TRMT11: variants seen among roughly 807,000 people sequenced by gnomAD.
The protein encoded by TRMT11 is tRNA methyltransferase 11, also known as tRNA (guanine(10)-N(2))-methyltransferase TRMT11.
TRMT11 carries 53 observed loss-of-function variants against 62.8 expected under a neutral mutation model. The ratio of observed to expected loss-of-function variants is 0.84; its 90% CI spans 0.68 to 1.06. The LOEUF is 1.06. TRMT11 is among the 50% of genes least tolerant of loss of function. The pLI is 0.00. For missense variants in TRMT11, 556 were observed against 553.4 expected, an observed-to-expected ratio of 1.00 and a Z score of -0.05; for synonymous variants, 188 against 190.3, an observed-to-expected ratio of 0.99 and a Z score of 0.10.
chr6:126,042,779 G>A (rs1024243328), downstream of TRMT11, among the ~76,000 whole-genome samples: 3 of 152,140 alleles, frequency 2.0e-5, no homozygotes, highest in Non-Finnish European at 4.4e-5. Context: ...TAAAAGAAAA[G>A]GAAAAAGGCT....
At chr6:126,164,800 C>A (rs1778238441) in intron 21 of TRMT11, among the ~76,000 whole-genome samples, 2 of 152,098 alleles carry the variant, frequency 1.3e-5, no homozygotes, top group African/African-American at 2.4e-5. Context: ...AGGATTGCAA[C>A]CCCTGCTTTT....
the TRMT11 span, among the ~76,000 whole-genome samples, chr6:126,258,682 T>A: frequency 6.6e-6 from 1 of 152,262 alleles, no homozygotes; most frequent in Non-Finnish European, 1.5e-5. Context: ...TCACAATAAT[T>A]CCTTATGTGT....
At chr6:125,998,981 T>A (rs1482853564) in intron 6 of TRMT11, among the ~76,000 whole-genome samples, 1 of 152,036 alleles carries the variant, frequency 6.6e-6, no homozygotes, top group Non-Finnish European at 1.5e-5. Context: ...TCTTTTTTTT[T>A]ATAAAGCAGA....
chr6:126,162,303 A>G (rs1318487035), intron 21 of TRMT11, among the ~76,000 whole-genome samples: 1 of 152,178 alleles, frequency 6.6e-6, no homozygotes, highest in Non-Finnish European at 1.5e-5. Flanking sequence ...TCCCAACACC[A>G]TTTATTAAAC....
the TRMT11 span, among the ~76,000 whole-genome samples, chr6:126,266,201 G>A: frequency 1.8e-4 from 27 of 152,266 alleles, no homozygotes; most frequent in Non-Finnish European, 2.8e-4. Context: ...TGTCTAGTGC[G>A]TGTTATATCT....
the TRMT11 span, among the ~76,000 whole-genome samples, chr6:126,214,175 T>C: frequency 0.029 from 4,308 of 149,662 alleles, 187 homozygotes; most frequent in African/African-American, 0.1. Context: ...TTAACATTCA[T>C]CAGTGATATT....
upstream of TRMT11, among the ~76,000 whole-genome samples, chr6:126,174,023 G>C (rs982875968): frequency 6.6e-6 from 1 of 152,170 alleles, no homozygotes; most frequent in African/African-American, 2.4e-5. Context: ...GTTCCTAGGA[G>C]CTTGCTGGAC....
chr6:126,015,254 C>T (rs1411984548), intron 11 of TRMT11, among the ~76,000 whole-genome samples: 2 of 152,026 alleles, frequency 1.3e-5, no homozygotes, highest in African/African-American at 4.8e-5. Context: ...GAGATGGAGT[C>T]TCACTCTGTC....
At chr6:126,260,396 G>T in the TRMT11 span, among the ~76,000 whole-genome samples, 1 of 152,086 alleles carries the variant, frequency 6.6e-6, no homozygotes, top group Admixed American at 6.5e-5. Context: ...GCCACTAATT[G>T]TAACTGTTGT....
In TRMT11 at chr6:125,987,622, A is replaced by G. The variant is rs370864370; in HGVS notation, c.72+1000A>G. Among the ~76,000 whole-genome samples the G allele has an allele frequency of 3.9e-5, 6 of 152,220 alleles. No homozygotes were observed. In the East Asian group the frequency reaches 5.8e-4, roughly 15 times the overall value. ...GGAGTCTGTGGGAATAGTCTTGTTA[A>G]TAGATTAAGAAGGTCTGACCTAGGG... is the stretch of plus-strand genomic sequence containing the variant. On this transcript the variant is annotated intron_variant, in intron 1 of 12. Coordinates refer to ENST00000334379, the MANE Select transcript of TRMT11 (RefSeq NM_001031712.3).
At chr6:126,227,908 C>T in the TRMT11 span, among the ~76,000 whole-genome samples, 3 of 152,246 alleles carry the variant, frequency 2.0e-5, no homozygotes, top group Admixed American at 6.5e-5. Context: ...GGTAGTGTGT[C>T]CTGTTGTAAA....
the TRMT11 span, among the ~76,000 whole-genome samples, chr6:126,240,910 G>A: frequency 1.3e-5 from 2 of 152,200 alleles, no homozygotes; most frequent in South Asian, 2.1e-4. Flanking sequence ...CGGCAATGGT[G>A]GGCACCCCTC....
intron 21 of TRMT11, among the ~76,000 whole-genome samples, chr6:126,153,363 A>G (rs374278428): frequency 1.3e-5 from 2 of 152,268 alleles, no homozygotes; most frequent in Admixed American, 1.3e-4. Context: ...GGTGAAAACC[A>G]TTAGGCAAAA....
At position 126,011,308 on chromosome 6, in the gene TRMT11, C is replaced by T. The variant is rs762980239; in HGVS notation, c.816C>T (p.Ala272=). ...KWRGPDENIR[A]NLRQYGLEKY... ...GAGGACCAGATGAAAACATTAGGGC[C>T]AATCTTCGTCAATATGGTTTAGAGA... The change falls in exon 9 of 13, where the codon GCC becomes GCT. Residue 272 remains alanine, a synonymous_variant. Transcript: ENST00000334379. 1.2e-5 allele frequency: 19 copies of T among 1,613,176 alleles called. No individual in the cohort carries two copies. Among genetic ancestry groups the T allele is most frequent in the Non-Finnish European group, 1.5e-5 (18 of 1,179,530 alleles).
At chr6:126,213,867 G>A in the TRMT11 span, among the ~76,000 whole-genome samples, 4 of 152,008 alleles carry the variant, frequency 2.6e-5, no homozygotes, top group Non-Finnish European at 5.9e-5. Context: ...CATTTGGGAT[G>A]ATACCAGTTT....
chr6:126,220,481 C>A, the TRMT11 span, among the ~76,000 whole-genome samples: 1 of 152,178 alleles, frequency 6.6e-6, no homozygotes, highest in Non-Finnish European at 1.5e-5. Flanking sequence ...AACCATGTCT[C>A]TGTTATTGCT....
chr6:126,035,634 A>C (rs1775046895), intron 12 of TRMT11, among the ~76,000 whole-genome samples: 2 of 152,100 alleles, frequency 1.3e-5, no homozygotes, highest in Admixed American at 1.3e-4. Flanking sequence ...ATAGCACTGA[A>C]TAGAACACAT....
the TRMT11 span, among the ~76,000 whole-genome samples, chr6:126,259,986 A>G: frequency 6.6e-3 from 1,003 of 152,240 alleles, 13 homozygotes; most frequent in African/African-American, 0.023. Flanking sequence ...TGCAGGCAGA[A>G]TATAGTTGGG....
chr6:126,087,396 G>A (rs557971347), intron 17 of TRMT11, among the ~76,000 whole-genome samples: 1 of 152,246 alleles, frequency 6.6e-6, no homozygotes, highest in Admixed American at 6.5e-5. Context: ...TTTAAAGGGA[G>A]GGCACAGTCA....
Sources: allele counts gnomAD v4.1 joint callset (sites outside exome capture counted in the v4.1 genomes callset), GRCh38; gene constraint gnomAD v4.1.1; transcripts MANE v1.5; gene names NCBI Gene and HGNC (gene_info 2026-07-23, HGNC 2026-07-21).